ELP2: variants seen among roughly 807,000 people sequenced by gnomAD.
The protein encoded by ELP2 is elongator acetyltransferase complex subunit 2, also known as elongator complex protein 2.
In ELP2, 90 loss-of-function variants were observed where a neutral mutation model predicts 119.2. That is an observed-to-expected ratio of 0.75 (90% CI 0.64 to 0.90). The LOEUF (loss-of-function observed/expected upper bound fraction) is 0.90. Among genes scored for constraint, ELP2 ranks in the 40% least tolerant of loss-of-function variants. ELP2 has a pLI of 0.00. For missense variants in ELP2, 921 were observed against 967.8 expected, an observed-to-expected ratio of 0.95 and a Z score of 0.64; for synonymous variants, 339 against 331.0, an observed-to-expected ratio of 1.02 and a Z score of -0.26.
intron 19 of ELP2, among the ~76,000 whole-genome samples, chr18:36,168,843 C>A (rs1159058597): frequency 1.3e-5 from 2 of 151,530 alleles, no homozygotes; most frequent in Non-Finnish European, 2.9e-5. Flanking sequence ...TTAGACAAAG[C>A]CTTCTGCTCA....
At chr18:36,170,822 G>C (rs2091057039) in intron 20 of ELP2, 1 of 569,894 alleles carries the variant, frequency 1.8e-6, no homozygotes. Context: ...ACTGGCTCAT[G>C]GGCCTTGCCA....
chr18:36,158,233 A>T (rs2090629174), intron 13 of ELP2, among the ~76,000 whole-genome samples: 1 of 152,208 alleles, frequency 6.6e-6, no homozygotes, highest in East Asian at 1.9e-4. Context: ...GCAAATGAGC[A>T]TGTGCCAGTT....
At position 36,175,098 on chromosome 18, in the gene ELP2, T is replaced by C. The variant is rs926350102; in HGVS notation, c.*457T>C. 6 of 158,580 alleles carry C rather than the reference T, an allele frequency of 3.8e-5. No individual in the cohort carries two copies. The highest frequency in any genetic ancestry group is 8.4e-5 in the Non-Finnish European group (6 of 71,544). The allele number at this position is 158,580 out of a possible 1,614,324, so 9.8% of individuals were successfully genotyped here. ...ACCCTTCGCTTTGTTATATAACATA[T>C]GCACACATACCCAGAATTTTGCACA... On this transcript the variant is annotated 3_prime_UTR_variant, in exon 22 of 22. Coordinates refer to ENST00000358232, the MANE Select transcript of ELP2 (RefSeq NM_018255.4).
chr18:36,142,309 A>C lies in ELP2; in HGVS notation c.617A>C (p.His206Pro). Residue 206 changes from histidine to proline, a missense_variant, in exon 7 of 22, where the codon CAT (histidine) becomes CCT (proline). By Grantham distance (77) the His-to-Pro change is moderately conservative. Coordinates refer to ENST00000358232, the MANE Select transcript of ELP2 (RefSeq NM_018255.4). ...CAGAAAGTGCTTTCTCTCTGTGGACATGAGGATTGGATTAGAGGAGTGGAA... is the reference window on the plus strand; with the variant it reads ...CAGAAAGTGCTTTCTCTCTGTGGACCTGAGGATTGGATTAGAGGAGTGGAA... The part of the protein sequence containing the change: ...QFQKVLSLCG[H>P]EDWIRGVEWA... 1 of 1,614,028 alleles carries C rather than the reference A, an allele frequency of 6.2e-7. No homozygotes were observed. The highest frequency in any genetic ancestry group is 8.5e-7 in the Non-Finnish European group (1 of 1,179,948).
chr18:36,130,166 G>A (rs961565647), intron 1 of ELP2, 95 bp downstream of exon 1: 11 of 1,554,442 alleles, frequency 7.1e-6, no homozygotes, highest in Non-Finnish European at 7.9e-6. Flanking sequence ...CCCAGACCTA[G>A]GAGGCGAGTC....
At position 36,179,569 on chromosome 18, in the gene ELP2, C is replaced by T. The variant is rs1225844805; in HGVS notation, c.*4928C>T. The T allele has an allele frequency of 2.6e-5, 4 of 151,966 alleles. No homozygotes were observed. The highest frequency in any genetic ancestry group is 5.9e-5 in the Non-Finnish European group (4 of 68,050). The allele number at this position is 151,966 out of a possible 1,614,324, so 9.4% of individuals were successfully genotyped here. On this transcript the variant is annotated 3_prime_UTR_variant, in exon 22 of 22. Coordinates refer to ENST00000358232, the MANE Select transcript of ELP2 (RefSeq NM_018255.4). ...GAGGCCATGCTGTGTCCGAGAAGCTCCTACTGGGGTGGAAGGGACAGCTCC... is the reference window on the plus strand; with the variant it reads ...GAGGCCATGCTGTGTCCGAGAAGCTTCTACTGGGGTGGAAGGGACAGCTCC...
rs561853812 is a variant in ELP2, at chr18:36,149,483, G to GTTTTTTTT, written c.1125+3106_1125+3107insTTTTTTTT. Reference sequence around the variant, plus strand: ...ACATAGTTGCAGGGTTTTTTGTTTTGTTTTGTTTTTTTTTTTTTTGCTTAG... The same window carrying GTTTTTTTT: ...ACATAGTTGCAGGGTTTTTTGTTTTGTTTTTTTTTTTTGTTTTTTTTTTTTTTGCTTAG... On this transcript the variant is annotated intron_variant, in intron 11 of 21. Transcript: ENST00000358232. Among the ~76,000 whole-genome samples the GTTTTTTTT allele has an allele frequency of 1.8e-3, 183 of 101,808 alleles. 36 individuals carry two copies. The highest frequency in any genetic ancestry group is 0.014 in the Middle Eastern group (2 of 144). The allele number at this position is 101,808 out of a possible 152,430, so 66.8% of individuals were successfully genotyped here. A position where few individuals can be genotyped will look rare whatever the true frequency, so the allele number is the denominator to read the frequency against.
rs572962576 is a variant in ELP2, at chr18:36,179,355, C to T, written c.*4714C>T. On this transcript the variant is annotated 3_prime_UTR_variant, in exon 22 of 22. Coordinates refer to ENST00000358232, the MANE Select transcript of ELP2 (RefSeq NM_018255.4). ...GGGCATGGTGGTGGGCGCCTGTAAT[C>T]CCAGATGTTCCAGAGGCTGAGGCAG... The T allele has an allele frequency of 3.3e-5, 5 of 150,526 alleles. No homozygotes were observed. The East Asian group carries it at 9.7e-4, about 29-fold the overall frequency. The allele number at this position is 150,526 out of a possible 1,614,324, so 9.3% of individuals were successfully genotyped here.
At position 36,142,849 on chromosome 18, in the gene ELP2, T is replaced by G; in HGVS notation, c.679T>G (p.Cys227Gly). 6.2e-7 allele frequency: 1 copy of G among 1,604,816 alleles called. No individual in the cohort carries two copies. The highest frequency in any genetic ancestry group is 8.5e-7 in the Non-Finnish European group (1 of 1,172,998). ...AFGRDLFLAS[C>G]SQDCLIRIWK... ...AGGTAGAGATCTTTTCCTAGCAAGC[T>G]GTTCACAAGATTGCCTGATAAGAAT... is the stretch of plus-strand genomic sequence containing the variant. The change falls in exon 8 of 22, where the codon TGT becomes GGT. Residue 227 changes from cysteine (C) to glycine (G), a missense_variant. Cys to Gly is a radical substitution (Grantham distance 159). Transcript: ENST00000358232.
At chr18:36,168,540 A>T (rs527468117) in intron 19 of ELP2, among the ~76,000 whole-genome samples, 86 of 152,320 alleles carry the variant, frequency 5.6e-4, no homozygotes, top group African/African-American at 1.9e-3. Flanking sequence ...AGTGCTGAGC[A>T]AAAGGGGGAA....
chr18:36,150,202 C>G (rs961974232), intron 11 of ELP2, among the ~76,000 whole-genome samples: 1 of 152,294 alleles, frequency 6.6e-6, no homozygotes, highest in African/African-American at 2.4e-5. Flanking sequence ...ACAAACAGAG[C>G]AGTTCTTTCT....
intron 10 of ELP2, 22 bp from the exon 11 acceptor site, chr18:36,146,228 T>C (rs1413137532): frequency 6.2e-7 from 1 of 1,614,012 alleles, no homozygotes; most frequent in Admixed American, 1.7e-5. Context: ...TTAAGAATTG[T>C]TTTCTGTCTG....
intron 3 of ELP2, among the ~76,000 whole-genome samples, chr18:36,137,933 G>A (rs937341457): frequency 1.3e-5 from 2 of 152,046 alleles, no homozygotes; most frequent in East Asian, 3.9e-4. Context: ...CTGATGGGAT[G>A]TGCTTATGTA....
Position 36,129,957 on chromosome 18 carries a change from T to G in ELP2, c.24T>G (p.Thr8=), listed in dbSNP as rs759532695. The G allele has an allele frequency of 1.9e-6, 3 of 1,614,216 alleles. No homozygotes were observed. The highest frequency in any genetic ancestry group is 2.5e-6 in the Non-Finnish European group (3 of 1,180,040). Residue 8 remains threonine, a synonymous_variant, in exon 1 of 22, where the codon ACT becomes ACG. Transcript: ENST00000358232. MVAPVLE[T]SHVFCCPNRV... is the part of the protein sequence containing the mutation. ...ACATGGTGGCACCCGTGCTGGAGAC[T>G]TCTCACGTGTTTTGCTGCCCAAACC...
intron 19 of ELP2, 85 bp downstream of exon 19, chr18:36,167,307 C>A: frequency 9.4e-7 from 1 of 1,063,842 alleles, no homozygotes; most frequent in Non-Finnish European, 1.3e-6. Context: ...CATAATCCTG[C>A]CTTTCTGTTA....
rs771259767 is a variant in ELP2 at position 36,142,314 on chromosome 18, G to C, written c.622G>C (p.Asp208His). The C allele has an allele frequency of 1.2e-6, 2 of 1,614,024 alleles. No individual in the cohort carries two copies. The highest frequency in any genetic ancestry group is 1.7e-6 in the Non-Finnish European group (2 of 1,179,966). Residue 208 changes from aspartate (D) to histidine (H), a missense_variant, in exon 7 of 22, where the codon GAT becomes CAT. Asp to His is a moderately conservative substitution (Grantham distance 81, BLOSUM62 -1). Coordinates refer to ENST00000358232, the MANE Select transcript of ELP2 (RefSeq NM_018255.4). ...QKVLSLCGHE[D>H]WIRGVEWAAF... ...AGTGCTTTCTCTCTGTGGACATGAG[G>C]ATTGGATTAGAGGAGTGGAATGGGC...
chr18:36,131,108 A>G (rs2089604628), intron 1 of ELP2, among the ~76,000 whole-genome samples: 1 of 152,142 alleles, frequency 6.6e-6, no homozygotes, highest in African/African-American at 2.4e-5. Context: ...CAGAAGTTTG[A>G]GGCTGCAGTG....
chr18:36,147,986 CT>C (rs2090264952), intron 11 of ELP2, among the ~76,000 whole-genome samples: 1 of 152,064 alleles, frequency 6.6e-6, no homozygotes. Context: ...ATGTGCTTAG[CT>C]ATTCGGAAGC....
intron 17 of ELP2, among the ~76,000 whole-genome samples, chr18:36,162,838 T>C (rs1187326667): frequency 6.6e-6 from 1 of 152,214 alleles, no homozygotes. Context: ...TTTTTATCCA[T>C]ATGAAAATAT....
Sources: gnomAD v4.1 joint callset for allele counts (sites outside exome capture counted in the v4.1 genomes callset) on GRCh38, gnomAD v4.1.1 for gene constraint, MANE v1.5 for transcripts, NCBI Gene and HGNC (gene_info 2026-07-23, HGNC 2026-07-21) for gene names.